The following LEKR1 variants were observed in gnomAD, a reference collection of about 807,000 sequenced individuals.
The protein encoded by LEKR1 is protein LEKR1.
In LEKR1, 59 loss-of-function variants were observed where a neutral mutation model predicts 72.4. The ratio of observed to expected loss-of-function variants is 0.82; its 90% confidence interval spans 0.66 to 1.01. LEKR1 has a LOEUF of 1.01. Ranked by LOEUF, LEKR1 falls within the 50% of genes least tolerant of loss-of-function variation. The pLI is 0.00. For missense variants in LEKR1, 728 were observed against 759.2 expected (o/e 0.96, Z 0.48); for synonymous variants, 257 against 263.2 (o/e 0.98, Z 0.23).
chr3:156,996,393 A>G (rs1255018636), intron 9 of LEKR1, among the ~76,000 whole-genome samples: 1 of 152,114 alleles, frequency 6.6e-6, no homozygotes, highest in Non-Finnish European at 1.5e-5. Context: ...AAAGGACAGC[A>G]GGGTAGCGTG....
intron 3 of LEKR1, among the ~76,000 whole-genome samples, chr3:156,858,278 A>AAGGACAGAGAGAGAGC (rs1716316472): frequency 6.6e-6 from 1 of 151,938 alleles, no homozygotes; most frequent in South Asian, 2.1e-4. Flanking sequence ...AGAGAGAGAG[A>AAGGACAGAGAGAGAGC]GAGCTTTTTT....
intron 6 of LEKR1, among the ~76,000 whole-genome samples, chr3:156,971,009 C>CA (rs1473485460): frequency 6.6e-6 from 1 of 151,428 alleles, no homozygotes; most frequent in African/African-American, 2.4e-5. Flanking sequence ...CATATGGAAC[C>CA]AAAAAAGAGC....
intron 1 of LEKR1, 183 bp downstream of exon 1, chr3:156,826,559 T>G (rs1711616854): frequency 6.5e-6 from 1 of 155,010 alleles, no homozygotes; most frequent in African/African-American, 2.4e-5. Context: ...TCCTGGTGTC[T>G]GCCAGCCCGC....
chr3:157,045,518 A>C lies in LEKR1; in HGVS notation c.1847A>C (p.Asn616Thr), dbSNP rs1735687473. 1.9e-6 allele frequency: 3 copies of C among 1,614,026 alleles called. No individual in the cohort carries two copies. The highest frequency in any genetic ancestry group is 1.1e-5 in the South Asian group (1 of 91,084). ...SLTSPAAAVS[N>T]HGERSLARLN... The stretch of plus-strand genomic sequence containing the variant: ...ACCTCCCCTGCTGCAGCAGTCAGTA[A>C]TCATGGAGAGAGAAGCCTTGCAAGA... Residue 616 changes from asparagine (N) to threonine (T), a missense_variant, in exon 13 of 13, where the codon AAT (asparagine) becomes ACT (threonine). Physicochemically the swap from Asn to Thr is moderately conservative, Grantham distance 65 (BLOSUM62 0). Coordinates refer to ENST00000356539, the MANE Select transcript of LEKR1 (RefSeq NM_001004316.3).
At chr3:157,015,657 T>C (rs1160786092) in intron 10 of LEKR1, among the ~76,000 whole-genome samples, 1 of 152,140 alleles carries the variant, frequency 6.6e-6, no homozygotes, top group East Asian at 1.9e-4. Context: ...AAGTTAACAA[T>C]GTCTGGCATC....
chr3:156,968,804 A>G (rs1259350511), intron 6 of LEKR1, among the ~76,000 whole-genome samples: 2 of 152,160 alleles, frequency 1.3e-5, no homozygotes, highest in Non-Finnish European at 2.9e-5. Context: ...TCCACCCCAA[A>G]TCAACAGAAT....
intron 9 of LEKR1, among the ~76,000 whole-genome samples, chr3:157,003,967 G>T (rs929086068): frequency 6.6e-6 from 1 of 152,014 alleles, no homozygotes; most frequent in South Asian, 2.1e-4. Flanking sequence ...ATGGCAAAAT[G>T]GTAGATTTAA....
At chr3:156,930,062 A>G (rs62275810) in intron 5 of LEKR1, among the ~76,000 whole-genome samples, 4,831 of 152,308 alleles carry the variant, frequency 0.032, 116 homozygotes, top group Non-Finnish European at 0.047. Context: ...TGCATTTCAC[A>G]GCTTTTCCAG....
At chr3:156,941,895 A>G (rs1336719767) in intron 5 of LEKR1, among the ~76,000 whole-genome samples, 1 of 151,990 alleles carries the variant, frequency 6.6e-6, no homozygotes. Context: ...TTTAAATCTA[A>G]GTAGAGCTAT....
At chr3:156,928,064 A>G (rs1724891060) in intron 5 of LEKR1, among the ~76,000 whole-genome samples, 1 of 152,072 alleles carries the variant, frequency 6.6e-6, no homozygotes, top group Admixed American at 6.6e-5. Flanking sequence ...TACGTACTAT[A>G]TTATTCCAAC....
At chr3:156,832,635 T>C (rs1712567634) in intron 2 of LEKR1, among the ~76,000 whole-genome samples, 1 of 152,254 alleles carries the variant, frequency 6.6e-6, no homozygotes, top group African/African-American at 2.4e-5. Flanking sequence ...AGGATTCATC[T>C]GTGCCTGCAC....
rs1209791585 is a variant in LEKR1, at chr3:157,024,820, C to G, written c.1264C>G (p.Leu422Val). 1 of 1,612,264 alleles carries G rather than the reference C, an allele frequency of 6.2e-7. No homozygotes were observed. Among genetic ancestry groups the G allele is most frequent in the South Asian group, 1.1e-5 (1 of 90,674 alleles). ...QHLVEFEEQA[L>V]LFKEETKLQL... The stretch of plus-strand genomic sequence containing the variant: ...CTTGGTTGAATTTGAAGAGCAAGCT[C>G]TTCTCTTTAAGGAAGAAACAAAATT... The change falls in exon 11 of 13, where the codon CTT becomes GTT. Residue 422 changes from leucine to valine, a missense_variant. By Grantham distance (32) the Leu-to-Val change is conservative (BLOSUM62 1). Transcript: ENST00000356539.
intron 12 of LEKR1, among the ~76,000 whole-genome samples, chr3:157,029,039 C>T (rs1734409115): frequency 6.6e-6 from 1 of 152,162 alleles, no homozygotes; most frequent in African/African-American, 2.4e-5. Context: ...TATCATATCA[C>T]ATTACAATAT....
intron 3 of LEKR1, among the ~76,000 whole-genome samples, chr3:156,915,217 G>A (rs536711331): frequency 3.9e-5 from 6 of 152,080 alleles, no homozygotes; most frequent in East Asian, 1.9e-4. Context: ...GTGAACATAC[G>A]CATGCAAATG....
chr3:156,840,754 A>G (rs1713806633), intron 2 of LEKR1, among the ~76,000 whole-genome samples: 1 of 152,228 alleles, frequency 6.6e-6, no homozygotes, highest in South Asian at 2.1e-4. Flanking sequence ...CATTTACCAT[A>G]AAAGACCTTT....
chr3:156,928,207 A>G (rs577565655), intron 5 of LEKR1, among the ~76,000 whole-genome samples: 11 of 152,206 alleles, frequency 7.2e-5, no homozygotes, highest in Admixed American at 6.5e-4. Context: ...GTACAATGCT[A>G]CAATAGTGGA....
chr3:157,015,220 G>A (rs1372186125), intron 10 of LEKR1, among the ~76,000 whole-genome samples: 1 of 152,136 alleles, frequency 6.6e-6, no homozygotes, highest in African/African-American at 2.4e-5. Flanking sequence ...GGAGATCATG[G>A]TGGCTAAAGT....
At chr3:156,994,352 G>A (rs1416172040) in intron 9 of LEKR1, among the ~76,000 whole-genome samples, 2 of 152,050 alleles carry the variant, frequency 1.3e-5, no homozygotes, top group African/African-American at 2.4e-5. Context: ...TTCTACACCA[G>A]GCAAGCAGGA....
At chr3:156,992,869 A>G in intron 8 of LEKR1, 139 bp downstream of exon 8, 1 of 385,324 alleles carries the variant, frequency 2.6e-6, no homozygotes, top group Non-Finnish European at 4.5e-6. Flanking sequence ...TCAAGCTTAT[A>G]TTATCTTGCA....
Sources: gnomAD v4.1 joint callset for allele counts (sites outside exome capture counted in the v4.1 genomes callset) on GRCh38, gnomAD v4.1.1 for gene constraint, MANE v1.5 for transcripts, NCBI Gene and HGNC (gene_info 2026-07-23, HGNC 2026-07-21) for gene names.